Variants in MCTP1 observed in about 807,000 individuals in gnomAD.
MCTP1 encodes the protein multiple C2 and transmembrane domain containing 1.
In MCTP1, 69 loss-of-function variants were observed where a neutral mutation model predicts 120.6. The observed-to-expected ratio is 0.57, with a 90% CI of 0.47 to 0.70. The LOEUF (loss-of-function observed/expected upper bound fraction) is 0.70, where lower values mean the gene tolerates loss of function less well. Among genes scored for constraint, MCTP1 ranks in the 30% least tolerant of loss-of-function variants. MCTP1 has a pLI of 0.00. For synonymous variants in MCTP1, 529 were observed against 493.1 expected (o/e 1.07, Z -0.96); for missense variants, 1,203 against 1,248.8 (o/e 0.96, Z 0.55).
chr5:94,916,887 GAA>G (rs1810208682), intron 8 of MCTP1, among the ~76,000 whole-genome samples: 1 of 152,200 alleles, frequency 6.6e-6, no homozygotes, highest in African/African-American at 2.4e-5. Flanking sequence ...TTCTTGCTTT[GAA>G]AGTTATGTGG....
intron 1 of MCTP1, among the ~76,000 whole-genome samples, chr5:95,145,068 A>T (rs1760269274): frequency 2.0e-5 from 3 of 152,142 alleles, no homozygotes; most frequent in Middle Eastern, 6.8e-3. Context: ...GCCATCTATG[A>T]TTTCTTTCAG....
chr5:95,246,615 T>C (rs968757009), intron 1 of MCTP1, among the ~76,000 whole-genome samples: 1 of 152,174 alleles, frequency 6.6e-6, no homozygotes, highest in Admixed American at 6.5e-5. Flanking sequence ...GAGCTAACTA[T>C]CCTAAATATA....
At chr5:95,182,890 G>A (rs1748765089) in intron 1 of MCTP1, among the ~76,000 whole-genome samples, 1 of 152,036 alleles carries the variant, frequency 6.6e-6, no homozygotes, top group Non-Finnish European at 1.5e-5. Context: ...GCCGGACATG[G>A]TGGCGGGTGC....
intron 6 of MCTP1, among the ~76,000 whole-genome samples, chr5:94,925,966 G>T (rs558603866): frequency 8.6e-5 from 13 of 152,030 alleles, no homozygotes; most frequent in Admixed American, 5.9e-4. Context: ...ATCTAATTAT[G>T]AATCTAAATA....
intron 10 of MCTP1, among the ~76,000 whole-genome samples, chr5:94,905,005 A>C (rs1033087474): frequency 5.3e-5 from 8 of 152,238 alleles, no homozygotes; most frequent in African/African-American, 1.9e-4. Flanking sequence ...AAAACAGAGC[A>C]GAATAGAGGA....
At chr5:94,969,637 G>A (rs1244073511) in intron 2 of MCTP1, among the ~76,000 whole-genome samples, 1 of 152,056 alleles carries the variant, frequency 6.6e-6, no homozygotes. Flanking sequence ...AAAAAGCAGT[G>A]AACACATATA....
intron 1 of MCTP1, chr5:95,166,165 AG>A (rs768916806): frequency 1.3e-5 from 2 of 152,200 alleles, no homozygotes; most frequent in Non-Finnish European, 2.9e-5. Context: ...AGTGTTGTAT[AG>A]GTGAAAACTG....
Position 94,817,186 on chromosome 5 carries a change from C to T in MCTP1, c.2437-18054G>A, listed in dbSNP as rs537904645. The stretch of plus-strand genomic sequence containing the variant: ...TTGGGAGGCCGAGGCAGGCGGATCA[C>T]GAGGTCAGGAAATCGAGACCATCCT... On this transcript the variant is annotated intron_variant, in intron 17 of 22. Coordinates refer to ENST00000515393, the MANE Select transcript of MCTP1 (RefSeq NM_024717.7). Among the ~76,000 whole-genome samples, 4 of 152,186 alleles carry T rather than the reference C, an allele frequency of 2.6e-5. No homozygotes were observed. In the East Asian group the frequency reaches 7.7e-4, roughly 29 times the overall value.
At chr5:94,773,836 C>T (rs143019420) in intron 19 of MCTP1, among the ~76,000 whole-genome samples, 1,891 of 152,226 alleles carry the variant, frequency 0.012, 34 homozygotes, top group African/African-American at 0.043. Context: ...TACCTTCCAC[C>T]GGGTCCCTCC....
At chr5:94,742,003 G>A (rs1765626519) in intron 19 of MCTP1, among the ~76,000 whole-genome samples, 2 of 152,080 alleles carry the variant, frequency 1.3e-5, no homozygotes, top group Admixed American at 1.3e-4. Context: ...TTCCATAAAT[G>A]TTAGTCCCTA....
chr5:94,989,248 G>C (rs989562139), intron 2 of MCTP1, among the ~76,000 whole-genome samples: 5 of 152,084 alleles, frequency 3.3e-5, no homozygotes, highest in African/African-American at 9.7e-5. Flanking sequence ...GTATTTTCTA[G>C]AGGAATTGTA....
At chr5:95,010,222 G>C (rs1204817522) in intron 2 of MCTP1, among the ~76,000 whole-genome samples, 1 of 151,906 alleles carries the variant, frequency 6.6e-6, no homozygotes, top group Non-Finnish European at 1.5e-5. Context: ...AACCTTAATA[G>C]TTATTTTTTT....
At chr5:94,924,986 G>A (rs1192734167) in intron 6 of MCTP1, among the ~76,000 whole-genome samples, 1 of 152,166 alleles carries the variant, frequency 6.6e-6, no homozygotes, top group African/African-American at 2.4e-5. Flanking sequence ...ACATTTAGAT[G>A]CATTGAAGTC....
At chr5:94,856,683 G>A (rs920292288) in intron 17 of MCTP1, among the ~76,000 whole-genome samples, 3 of 151,642 alleles carry the variant, frequency 2.0e-5, no homozygotes, top group African/African-American at 7.3e-5. Context: ...CAGGAAAGAT[G>A]GATAAATTAT....
At chr5:94,800,028 A>C (rs1214763943) in intron 17 of MCTP1, among the ~76,000 whole-genome samples, 1 of 151,976 alleles carries the variant, frequency 6.6e-6, no homozygotes, top group Admixed American at 6.6e-5. Flanking sequence ...ACTAGATTCC[A>C]CTCCTGACTC....
intron 18 of MCTP1, among the ~76,000 whole-genome samples, chr5:94,797,960 G>A (rs1427614124): frequency 1.3e-5 from 2 of 151,852 alleles, no homozygotes; most frequent in Non-Finnish European, 2.9e-5. Flanking sequence ...CCATTATGAT[G>A]GTTACTATTA....
intron 1 of MCTP1, among the ~76,000 whole-genome samples, chr5:95,160,831 G>A (rs571364681): frequency 5.9e-5 from 9 of 152,120 alleles, no homozygotes; most frequent in African/African-American, 2.2e-4. Flanking sequence ...ACATACAATA[G>A]CCAACAGTTA....
chr5:94,735,679 T>A (rs1376807969), intron 19 of MCTP1, among the ~76,000 whole-genome samples: 1 of 152,170 alleles, frequency 6.6e-6, no homozygotes, highest in Non-Finnish European at 1.5e-5. Context: ...GCCAAACCAG[T>A]TGAGTATTTT....
At chr5:94,720,948 G>C (rs905665547) in intron 19 of MCTP1, among the ~76,000 whole-genome samples, 6 of 152,270 alleles carry the variant, frequency 3.9e-5, no homozygotes, top group Non-Finnish European at 8.8e-5. Context: ...CTCTACAGAA[G>C]AGGAAACTGA....
Sources: gnomAD v4.1 joint callset for allele counts (sites outside exome capture counted in the v4.1 genomes callset) on GRCh38, gnomAD v4.1.1 for gene constraint, MANE v1.5 for transcripts, NCBI Gene and HGNC (gene_info 2026-07-23, HGNC 2026-07-21) for gene names.